The following TMEM33 variants were observed in gnomAD, a reference collection of about 807,000 sequenced individuals.
TMEM33 encodes the protein transmembrane protein 33.
In TMEM33, 16 loss-of-function variants were observed where a neutral mutation model predicts 29.7. The ratio of observed to expected loss-of-function variants is 0.54; its 90% CI spans 0.36 to 0.82. TMEM33 has a LOEUF of 0.82. TMEM33 is among the 40% of genes least tolerant of loss of function. TMEM33 has a pLI of 0.00. For synonymous variants in TMEM33, 112 were observed against 109.4 expected (o/e 1.02, Z -0.15); for missense variants, 252 against 295.3 (o/e 0.85, Z 1.08).
Position 41,954,287 on chromosome 4 carries a change from C to G in TMEM33, c.*88C>G, listed in dbSNP as rs1713168213. The G allele has an allele frequency of 7.4e-7, 1 of 1,360,270 alleles. No individual in the cohort carries two copies. Among genetic ancestry groups the G allele is most frequent in the African/African-American group, 1.5e-5 (1 of 68,432 alleles). The allele number at this position is 1,360,270 out of a possible 1,614,324, so 84.3% of individuals were successfully genotyped here. A position where few individuals can be genotyped will look rare whatever the true frequency, so the allele number is the denominator to read the frequency against. Reference sequence around the variant, plus strand: ...GGGGTTGTAAATTCCAGGTGTTACACTGACCTCAATCCAATTTACATAATT... The same window carrying G: ...GGGGTTGTAAATTCCAGGTGTTACAGTGACCTCAATCCAATTTACATAATT... On this transcript the variant is annotated 3_prime_UTR_variant, in exon 7 of 7. Transcript: ENST00000504986.
rs746989105 is a variant in TMEM33, at chr4:41,944,894, C to A, written c.498C>A (p.Phe166Leu). The A allele has an allele frequency of 3.7e-6, 6 of 1,612,878 alleles. No homozygotes were observed. The highest frequency in any genetic ancestry group is 4.2e-6 in the Non-Finnish European group (5 of 1,179,730). ...ILKFIACNEI[F>L]LMPATVFMLF... ...AATTCATTGCTTGCAATGAAATATT[C>A]CTGATGCCTGCGACAGTTTTTATGC... The change falls in exon 5 of 7, where the codon TTC becomes TTA. Residue 166 changes from phenylalanine to leucine, a missense_variant. Coordinates refer to ENST00000504986, the MANE Select transcript of TMEM33 (RefSeq NM_018126.3).
At chr4:41,941,523 G>T (rs1712541576) in intron 3 of TMEM33, among the ~76,000 whole-genome samples, 1 of 152,202 alleles carries the variant, frequency 6.6e-6, no homozygotes, top group African/African-American at 2.4e-5. Context: ...AGTAAGTTTT[G>T]TTGAGTGAAT....
In TMEM33 at chr4:41,935,601, C is replaced by T. The variant is rs564571441; in HGVS notation, c.45+72C>T. 7.4e-6 allele frequency: 11 copies of T among 1,486,388 alleles called. No homozygotes were observed. The South Asian group carries it at 1.3e-4, about 18-fold the overall frequency. The allele number at this position is 1,486,388 out of a possible 1,614,324, so 92.1% of individuals were successfully genotyped here. ...AAGAAGCAGGAAGCGTTGCGAGTCC[C>T]GAGGCGTTCCAGAAGCTCAGTGCAT... On this transcript the variant is annotated intron_variant, in intron 1 of 6. Coordinates refer to ENST00000504986, the MANE Select transcript of TMEM33 (RefSeq NM_018126.3).
intron 6 of TMEM33, among the ~76,000 whole-genome samples, chr4:41,950,025 T>C (rs1288701047): frequency 3.9e-5 from 6 of 152,206 alleles, no homozygotes; most frequent in Non-Finnish European, 8.8e-5. Context: ...AGCTATATTA[T>C]AAAACTTCTT....
intron 3 of TMEM33, among the ~76,000 whole-genome samples, chr4:41,940,308 A>C (rs1200490439): frequency 6.6e-6 from 1 of 151,898 alleles, no homozygotes; most frequent in Non-Finnish European, 1.5e-5. Flanking sequence ...CATTTTGTGC[A>C]TTGAGAAGTG....
At position 41,957,150 on chromosome 4, in the gene TMEM33, A is replaced by G. The variant is rs1713306279; in HGVS notation, c.*2951A>G. On this transcript the variant is annotated 3_prime_UTR_variant, in exon 7 of 7. Coordinates refer to ENST00000504986, the MANE Select transcript of TMEM33 (RefSeq NM_018126.3). ...ACCTTTTTGGATAGATGGAAGCCTT[A>G]TACAAAATCTACTTTATTTTAGCAA... 1.3e-5 allele frequency: 2 copies of G among 152,106 alleles called. No homozygotes were observed. The highest frequency in any genetic ancestry group is 2.1e-4 in the South Asian group (1 of 4,838). 9.4% of individuals were successfully genotyped at this position (152,106 alleles called of 1,614,324 possible).
intron 2 of TMEM33, 131 bp from the exon 3 acceptor site, chr4:41,939,065 A>AAG: frequency 1.3e-6 from 1 of 799,856 alleles, no homozygotes; most frequent in South Asian, 2.3e-5. Flanking sequence ...AAACGGTAGA[A>AAG]TAAGTTCATG....
chr4:41,939,350 T>A lies in TMEM33; in HGVS notation c.295T>A (p.Ser99Thr). The A allele has an allele frequency of 6.2e-7, 1 of 1,613,100 alleles. No homozygotes were observed. Among genetic ancestry groups the A allele is most frequent in the Non-Finnish European group, 8.5e-7 (1 of 1,179,752 alleles). The part of the protein sequence containing the change: ...LEDSCHYLLY[S>T]LIFVNSYPVT... ...GGACAGCTGCCACTACCTGTTGTAT[T>A]CACTCATCTTTGTAAATTCCTATCC... Residue 99 changes from serine to threonine, a missense_variant, in exon 3 of 7, where the codon TCA (serine) becomes ACA (threonine). Transcript: ENST00000504986.
chr4:41,949,295 A>G lies in TMEM33; in HGVS notation c.531-7A>G. On this transcript the variant is annotated splice_region_variant and splice_polypyrimidine_tract_variant and intron_variant, in intron 5 of 6. Coordinates refer to ENST00000504986, the MANE Select transcript of TMEM33 (RefSeq NM_018126.3). The stretch of plus-strand genomic sequence containing the variant: ...ATATTTATCACGCTTGTATTTGTTT[A>G]TTTCAGTGGTCAAGGAAGTTTGCTC... 1 of 1,594,286 alleles carries G rather than the reference A, an allele frequency of 6.3e-7. No homozygotes were observed. Among genetic ancestry groups the G allele is most frequent in the Non-Finnish European group, 8.6e-7 (1 of 1,167,838 alleles).
In TMEM33 at chr4:41,956,818, C is replaced by G. The variant is rs1713294690; in HGVS notation, c.*2619C>G. 6.6e-6 allele frequency: 1 copy of G among 151,974 alleles called. No individual in the cohort carries two copies. Among genetic ancestry groups the G allele is most frequent in the Non-Finnish European group, 1.5e-5 (1 of 67,984 alleles). The allele number at this position is 151,974 out of a possible 1,614,324, so 9.4% of individuals were successfully genotyped here. ...TAAACTTACGAAAAAGTAAATTTTA[C>G]AATTTGAGCATTACTAGATGTTTAG... On this transcript the variant is annotated 3_prime_UTR_variant, in exon 7 of 7. Transcript: ENST00000504986.
At chr4:41,939,904 C>A in intron 3 of TMEM33, 1 of 402,674 alleles carries the variant, frequency 2.5e-6, no homozygotes. Flanking sequence ...CATGGATAAT[C>A]CGTGAAGCTA....
intron 5 of TMEM33, among the ~76,000 whole-genome samples, chr4:41,945,861 C>T (rs1429567940): frequency 6.6e-6 from 1 of 151,260 alleles, no homozygotes; most frequent in Non-Finnish European, 1.5e-5. Flanking sequence ...ATCCCAGCTA[C>T]TCGGGAGGCT....
intron 6 of TMEM33, among the ~76,000 whole-genome samples, chr4:41,950,446 G>T (rs931019915): frequency 6.6e-6 from 1 of 152,024 alleles, no homozygotes; most frequent in Non-Finnish European, 1.5e-5. Flanking sequence ...TTATTTATTT[G>T]GATTTCTTCA....
rs761980634 is a variant in TMEM33, at chr4:41,935,611, C to T, written c.45+82C>T. The T allele has an allele frequency of 5.0e-6, 7 of 1,401,344 alleles. No homozygotes were observed. In the Admixed American group the frequency reaches 8.0e-5, roughly 16 times the overall value. 86.8% of individuals were successfully genotyped at this position (1,401,344 alleles called of 1,614,324 possible). ...AAGCGTTGCGAGTCCCGAGGCGTTC[C>T]AGAAGCTCAGTGCATTCAGGAATGG... On this transcript the variant is annotated intron_variant, in intron 1 of 6. Coordinates refer to ENST00000504986, the MANE Select transcript of TMEM33 (RefSeq NM_018126.3).
rs1234837642 is a variant in TMEM33 at position 41,954,060 on chromosome 4, T to G, written c.615-10T>G. The stretch of plus-strand genomic sequence containing the variant: ...TTGTGTTTCTCAAAGAAAACTATTT[T>G]GTCTTGCAGGACCTTATTTAATGAA... On this transcript the variant is annotated splice_polypyrimidine_tract_variant and intron_variant, in intron 6 of 6. Transcript: ENST00000504986. 1.2e-6 allele frequency: 2 copies of G among 1,612,038 alleles called. No individual in the cohort carries two copies. The highest frequency in any genetic ancestry group is 1.7e-6 in the Non-Finnish European group (2 of 1,178,934).
chr4:41,954,691 T>C lies in TMEM33; in HGVS notation c.*492T>C, dbSNP rs1168039373. ...TTTAATTTCAAATTGTTTTTTTAAT[T>C]GGTTTTATGCTGCTTTGTTAGGACA... On this transcript the variant is annotated 3_prime_UTR_variant, in exon 7 of 7. Coordinates refer to ENST00000504986, the MANE Select transcript of TMEM33 (RefSeq NM_018126.3). 6.5e-6 allele frequency: 1 copy of C among 153,100 alleles called. No individual in the cohort carries two copies. The highest frequency in any genetic ancestry group is 2.4e-5 in the African/African-American group (1 of 41,440). 9.5% of individuals were successfully genotyped at this position (153,100 alleles called of 1,614,324 possible). A position where few individuals can be genotyped will look rare whatever the true frequency, so the allele number is the denominator to read the frequency against.
Position 41,958,902 on chromosome 4 carries a change from T to A in TMEM33, c.*4703T>A, listed in dbSNP as rs944100273. The A allele has an allele frequency of 2.6e-5, 4 of 151,364 alleles. No homozygotes were observed. The highest frequency in any genetic ancestry group is 2.6e-4 in the Admixed American group (4 of 15,226). The allele number at this position is 151,364 out of a possible 1,614,324, so 9.4% of individuals were successfully genotyped here. On this transcript the variant is annotated 3_prime_UTR_variant, in exon 7 of 7. Coordinates refer to ENST00000504986, the MANE Select transcript of TMEM33 (RefSeq NM_018126.3). ...TTTTGTATTTTTAGTAGAGACAGGATTTCACCATGTTCACCATGTTGGTCA... is the reference window on the plus strand; with the variant it reads ...TTTTGTATTTTTAGTAGAGACAGGAATTCACCATGTTCACCATGTTGGTCA...
At chr4:41,952,697 T>C (rs1713094482) in intron 6 of TMEM33, among the ~76,000 whole-genome samples, 1 of 152,076 alleles carries the variant, frequency 6.6e-6, no homozygotes, top group Non-Finnish European at 1.5e-5. Flanking sequence ...GTGGAGGGTA[T>C]TGGGTGTGAC....
chr4:41,939,934 G>C, intron 3 of TMEM33: 1 of 377,734 alleles, frequency 2.6e-6, no homozygotes, highest in Non-Finnish European at 5.1e-6. Context: ...AATTCATTTG[G>C]AATTTGTATG....
Sources: allele counts gnomAD v4.1 joint callset (sites outside exome capture counted in the v4.1 genomes callset), GRCh38; gene constraint gnomAD v4.1.1; transcripts MANE v1.5; gene names NCBI Gene and HGNC (gene_info 2026-07-23, HGNC 2026-07-21).